Variants in IGSF21 observed in about 807,000 individuals in gnomAD.
IGSF21 encodes the protein immunoglobin superfamily member 21, also known as immunoglobulin superfamily member 21.
IGSF21 carries 28 observed loss-of-function variants against 46.8 expected under a neutral mutation model. That is an observed-to-expected ratio of 0.60 (90% CI 0.44 to 0.82). The LOEUF (loss-of-function observed/expected upper bound fraction) is 0.82, where lower values mean the gene tolerates loss of function less well. Among genes scored for constraint, IGSF21 ranks in the 40% least tolerant of loss-of-function variants. The pLI is 0.00. For missense variants in IGSF21, 624 were observed against 665.5 expected, an observed-to-expected ratio of 0.94 and a Z score of 0.69; for synonymous variants, 284 against 273.6, an observed-to-expected ratio of 1.04 and a Z score of -0.38.
chr1:18,183,258 C>T (rs2086873547), intron 1 of IGSF21, among the ~76,000 whole-genome samples: 1 of 152,174 alleles, frequency 6.6e-6, no homozygotes, highest in Admixed American at 6.5e-5. Context: ...AAAACAGGTT[C>T]ATTCCACAAA....
intron 2 of IGSF21, among the ~76,000 whole-genome samples, chr1:18,287,656 C>T (rs1290389143): frequency 6.6e-6 from 1 of 152,192 alleles, no homozygotes; most frequent in Non-Finnish European, 1.5e-5. Flanking sequence ...GGTCCCTACC[C>T]ACTGGCACCA....
intron 1 of IGSF21, chr1:18,110,556 C>T (rs1240503964): frequency 2.0e-5 from 3 of 152,246 alleles, no homozygotes; most frequent in African/African-American, 7.2e-5. Context: ...AGAACGCCCT[C>T]GCCGGTTCTG....
intron 1 of IGSF21, among the ~76,000 whole-genome samples, chr1:18,121,502 T>A (rs942530426): frequency 6.6e-6 from 1 of 152,192 alleles, no homozygotes; most frequent in Non-Finnish European, 1.5e-5. Flanking sequence ...TTGAAATTCA[T>A]GAGACGCTTA....
At chr1:18,347,581 A>C (rs1329968665) in intron 4 of IGSF21, among the ~76,000 whole-genome samples, 3 of 152,230 alleles carry the variant, frequency 2.0e-5, no homozygotes, top group African/African-American at 4.8e-5. Context: ...TCTGCTAATA[A>C]AAGGAAGGCT....
intron 2 of IGSF21, among the ~76,000 whole-genome samples, chr1:18,233,476 C>G (rs983692723): frequency 6.6e-6 from 1 of 152,152 alleles, no homozygotes; most frequent in Admixed American, 6.5e-5. Context: ...GTGAGTTTGA[C>G]CTTGGGTGGT....
At chr1:18,169,169 A>C (rs1369725418) in intron 1 of IGSF21, among the ~76,000 whole-genome samples, 2 of 152,230 alleles carry the variant, frequency 1.3e-5, no homozygotes, top group Non-Finnish European at 2.9e-5. Context: ...CAGAATTCAC[A>C]TTGGGCCCCA....
At position 18,368,153 on chromosome 1, in the gene IGSF21, C is replaced by T. The variant is rs920616241; in HGVS notation, c.1015+2456C>T. Among the ~76,000 whole-genome samples, 19 of 152,000 alleles carry T rather than the reference C, an allele frequency of 1.3e-4. No individual in the cohort carries two copies. The East Asian group carries it at 1.4e-3, about 11-fold the overall frequency. Reference sequence around the variant, plus strand: ...AGCCTCTCACTCTGCCTCCTCACGGCGTCCCTCTGTCACAGGTGCCCACTT... The same window carrying T: ...AGCCTCTCACTCTGCCTCCTCACGGTGTCCCTCTGTCACAGGTGCCCACTT... On this transcript the variant is annotated intron_variant, in intron 6 of 9. Coordinates refer to ENST00000251296, the MANE Select transcript of IGSF21 (RefSeq NM_032880.5).
chr1:18,189,355 C>T (rs2086933517), intron 1 of IGSF21, among the ~76,000 whole-genome samples: 1 of 152,152 alleles, frequency 6.6e-6, no homozygotes, highest in African/African-American at 2.4e-5. Flanking sequence ...TGCTGGGCAC[C>T]ATGGTGCAGC....
chr1:18,309,523 C>T (rs1326560513), intron 3 of IGSF21, among the ~76,000 whole-genome samples: 1 of 152,180 alleles, frequency 6.6e-6, no homozygotes, highest in Non-Finnish European at 1.5e-5. Context: ...CACACCCCCT[C>T]CTTTCCCCAT....
At chr1:18,139,999 T>C (rs2086401007) in intron 1 of IGSF21, among the ~76,000 whole-genome samples, 1 of 152,146 alleles carries the variant, frequency 6.6e-6, no homozygotes, top group Non-Finnish European at 1.5e-5. Flanking sequence ...CAGGCTGAAG[T>C]GCAGTGGTGC....
intron 4 of IGSF21, among the ~76,000 whole-genome samples, chr1:18,340,562 C>T (rs966841107): frequency 1.3e-5 from 2 of 152,200 alleles, no homozygotes; most frequent in African/African-American, 4.8e-5. Context: ...AGGGAAATAG[C>T]TTCATGGTAC....
At chr1:18,191,882 G>A (rs1488776054) in intron 1 of IGSF21, among the ~76,000 whole-genome samples, 1 of 152,180 alleles carries the variant, frequency 6.6e-6, no homozygotes, top group African/African-American at 2.4e-5. Context: ...GCCAGGGTCC[G>A]GGATGGGTGG....
chr1:18,292,699 C>T (rs904019715), intron 3 of IGSF21, among the ~76,000 whole-genome samples: 1 of 152,154 alleles, frequency 6.6e-6, no homozygotes, highest in African/African-American at 2.4e-5. Flanking sequence ...TCTCAAAGGG[C>T]CTTTCTCCCT....
chr1:18,353,225 T>C (rs1374299231), intron 4 of IGSF21, among the ~76,000 whole-genome samples: 2 of 152,182 alleles, frequency 1.3e-5, no homozygotes, highest in African/African-American at 2.4e-5. Context: ...CACTTTTTTT[T>C]CCCTCTCTCT....
chr1:18,232,824 C>T (rs1240371306), intron 2 of IGSF21, among the ~76,000 whole-genome samples: 1 of 152,176 alleles, frequency 6.6e-6, no homozygotes, highest in Non-Finnish European at 1.5e-5. Context: ...ACAGACCATG[C>T]TATGTAGCCC....
chr1:18,335,043 A>G lies in IGSF21; in HGVS notation c.424+33A>G. 2 of 1,514,524 alleles carry G rather than the reference A, an allele frequency of 1.3e-6. No individual in the cohort carries two copies. Among genetic ancestry groups the G allele is most frequent in the Non-Finnish European group, 1.8e-6 (2 of 1,089,222 alleles). 93.8% of individuals were successfully genotyped at this position (1,514,524 alleles called of 1,614,324 possible). ...CAGGGCCACTGGCCCCTGGTGTCTC[A>G]GTGAGGAGGACGAGTATGCTTGAGT... On this transcript the variant is annotated intron_variant, in intron 4 of 9. Coordinates refer to ENST00000251296, the MANE Select transcript of IGSF21 (RefSeq NM_032880.5). This position sits in a 1 kb window ranked among gnomAD's most constrained non-coding sequence, Gnocchi z 4.8.
At chr1:18,233,871 T>G (rs1045168508) in intron 2 of IGSF21, among the ~76,000 whole-genome samples, 11 of 152,298 alleles carry the variant, frequency 7.2e-5, no homozygotes, top group Non-Finnish European at 7.4e-5. Flanking sequence ...ATTTTAGCTC[T>G]CCCTGAAACA....
intron 1 of IGSF21, among the ~76,000 whole-genome samples, chr1:18,203,707 T>A (rs1301575388): frequency 6.6e-6 from 1 of 152,200 alleles, no homozygotes; most frequent in African/African-American, 2.4e-5. Flanking sequence ...CAGAGTCTGC[T>A]ATGAAGGGGA....
intron 3 of IGSF21, among the ~76,000 whole-genome samples, chr1:18,326,586 T>C (rs1036378472): frequency 6.6e-6 from 1 of 152,236 alleles, no homozygotes; most frequent in African/African-American, 2.4e-5. Flanking sequence ...AATGAGATAC[T>C]GTGTATATAA....
Sources: allele counts gnomAD v4.1 joint callset (sites outside exome capture counted in the v4.1 genomes callset), GRCh38; gene constraint gnomAD v4.1.1; non-coding constraint Gnocchi (gnomAD v3.1); transcripts MANE v1.5; gene names NCBI Gene and HGNC (gene_info 2026-07-23, HGNC 2026-07-21).